The following AUTS2 variants were observed in gnomAD, a reference collection of about 807,000 sequenced individuals.
The protein encoded by AUTS2 is autism susceptibility gene 2 protein.
AUTS2 carries 17 observed loss-of-function variants against 112.4 expected under a neutral mutation model. The observed-to-expected ratio is 0.15, with a 90% CI of 0.10 to 0.23. The LOEUF (loss-of-function observed/expected upper bound fraction) is 0.23. AUTS2 is among the 10% of genes least tolerant of loss of function. The pLI is 1.00. For synonymous variants in AUTS2, 751 were observed against 702.7 expected (o/e 1.07, Z -1.09); for missense variants, 1,510 against 1,701.6 (o/e 0.89, Z 1.98).
chr7:69,892,197 G>A (rs1316988515), intron 1 of AUTS2, among the ~76,000 whole-genome samples: 1 of 140,760 alleles, frequency 7.1e-6, no homozygotes, highest in Non-Finnish European at 1.5e-5. Context: ...TTTTAAGATG[G>A]AATCTTGCTC....
At chr7:69,935,134 A>G (rs1796360708) in intron 2 of AUTS2, among the ~76,000 whole-genome samples, 1 of 152,044 alleles carries the variant, frequency 6.6e-6, no homozygotes, top group African/African-American at 2.4e-5. Flanking sequence ...AAACAGTCAC[A>G]TAATCACAAC....
chr7:69,683,031 T>TC (rs1307501199), intron 1 of AUTS2, among the ~76,000 whole-genome samples: 1 of 152,064 alleles, frequency 6.6e-6, no homozygotes, highest in East Asian at 1.9e-4. Flanking sequence ...AGAAAACAGC[T>TC]CCACCGTACA....
intron 5 of AUTS2, among the ~76,000 whole-genome samples, chr7:70,555,536 C>T (rs1268466891): frequency 6.6e-6 from 1 of 152,048 alleles, no homozygotes; most frequent in Non-Finnish European, 1.5e-5. Context: ...ATTCTTGGAC[C>T]CTGGCACAGT....
At chr7:70,097,447 G>A (rs1045944433) in intron 2 of AUTS2, among the ~76,000 whole-genome samples, 7 of 152,196 alleles carry the variant, frequency 4.6e-5, no homozygotes, top group African/African-American at 9.7e-5. Context: ...GTATGCATAT[G>A]TATAAAATAT....
intron 2 of AUTS2, among the ~76,000 whole-genome samples, chr7:70,041,812 A>G (rs948217069): frequency 5.9e-5 from 9 of 152,198 alleles, no homozygotes; most frequent in East Asian, 3.8e-4. Context: ...TTTGAATATG[A>G]TAACAGTGAA....
chr7:69,991,693 T>A (rs886609995), intron 2 of AUTS2, among the ~76,000 whole-genome samples: 2 of 152,206 alleles, frequency 1.3e-5, no homozygotes, highest in Non-Finnish European at 2.9e-5. Context: ...GGTATGATAA[T>A]ATAAATCATT....
chr7:70,532,494 C>G (rs1034160183), intron 5 of AUTS2, among the ~76,000 whole-genome samples: 27 of 152,168 alleles, frequency 1.8e-4, no homozygotes, highest in Admixed American at 1.7e-3. Flanking sequence ...CAGAGCTTAG[C>G]TGATAACTGA....
intron 1 of AUTS2, among the ~76,000 whole-genome samples, chr7:69,621,117 A>G (rs1262719546): frequency 6.6e-6 from 1 of 152,200 alleles, no homozygotes; most frequent in Non-Finnish European, 1.5e-5. Context: ...TGGGTATTCT[A>G]ATTGCTTAAA....
Position 70,017,865 on chromosome 7 carries a change from T to A in AUTS2, c.523-100267T>A, listed in dbSNP as rs565980356. On this transcript the variant is annotated intron_variant, in intron 2 of 18. Coordinates refer to ENST00000342771, the MANE Select transcript of AUTS2 (RefSeq NM_015570.4). ...TTTCTTTTATATATTTATATTATAT[T>A]TATATATATATGTTTTACTGATCAC... Among the ~76,000 whole-genome samples, 48 of 146,556 alleles carry A rather than the reference T, an allele frequency of 3.3e-4. 2 individuals are homozygous for A. The South Asian group carries it at 8.3e-3, about 25-fold the overall frequency.
intron 1 of AUTS2, among the ~76,000 whole-genome samples, chr7:69,843,405 G>A (rs1487313689): frequency 6.6e-6 from 1 of 152,026 alleles, no homozygotes; most frequent in African/African-American, 2.4e-5. Context: ...TCAACAACAG[G>A]TATATATAAG....
intron 1 of AUTS2, among the ~76,000 whole-genome samples, chr7:69,609,602 A>G (rs1196054570): frequency 6.6e-6 from 1 of 152,250 alleles, no homozygotes; most frequent in African/African-American, 2.4e-5. Context: ...TTCTTTGTGT[A>G]AAATATTTTC....
chr7:70,566,049 A>G (rs1585310103), intron 5 of AUTS2, among the ~76,000 whole-genome samples: 1 of 152,232 alleles, frequency 6.6e-6, no homozygotes, highest in Non-Finnish European at 1.5e-5. Context: ...ATAACATTTA[A>G]CACTGTGTGC....
At chr7:70,564,962 G>T (rs958803788) in intron 5 of AUTS2, among the ~76,000 whole-genome samples, 1 of 152,054 alleles carries the variant, frequency 6.6e-6, no homozygotes. Flanking sequence ...GCCGGGGGTG[G>T]TGGTGCTCGC....
chr7:70,196,395 T>TA (rs1810175418), intron 4 of AUTS2, among the ~76,000 whole-genome samples: 1 of 152,186 alleles, frequency 6.6e-6, no homozygotes, highest in South Asian at 2.1e-4. Flanking sequence ...CTATACCGAA[T>TA]AAAATAGAAG....
intron 5 of AUTS2, among the ~76,000 whole-genome samples, chr7:70,500,387 G>C (rs1471131859): frequency 6.6e-6 from 1 of 152,128 alleles, no homozygotes; most frequent in Non-Finnish European, 1.5e-5. Flanking sequence ...GAAAGTGATG[G>C]AACGGCATGA....
At chr7:70,138,665 A>T (rs1332637824) in intron 4 of AUTS2, among the ~76,000 whole-genome samples, 1 of 152,244 alleles carries the variant, frequency 6.6e-6, no homozygotes, top group Non-Finnish European at 1.5e-5. Context: ...CTTTAAAGTT[A>T]TCAGGGAAAA....
At chr7:70,302,412 AC>A (rs59382904) in intron 4 of AUTS2, among the ~76,000 whole-genome samples, 45,195 of 151,418 alleles carry the variant, frequency 0.3, 6,899 homozygotes, top group African/African-American at 0.38. Flanking sequence ...CAAAAAAAAA[AC>A]AATGTAGTGA....
chr7:70,584,898 G>A (rs1424760691), intron 5 of AUTS2, among the ~76,000 whole-genome samples: 3 of 152,236 alleles, frequency 2.0e-5, no homozygotes, highest in African/African-American at 7.2e-5. Flanking sequence ...GCCTCACCCA[G>A]CCAGGAGCAT....
intron 4 of AUTS2, among the ~76,000 whole-genome samples, chr7:70,167,796 A>C (rs1012189722): frequency 6.6e-6 from 1 of 152,222 alleles, no homozygotes; most frequent in African/African-American, 2.4e-5. Context: ...ATTCGATAAC[A>C]TACTTTTAAA....
Sources: allele counts gnomAD v4.1 joint callset (sites outside exome capture counted in the v4.1 genomes callset), GRCh38; gene constraint gnomAD v4.1.1; transcripts MANE v1.5; gene names NCBI Gene and HGNC (gene_info 2026-07-23, HGNC 2026-07-21).